Variants in RBFOX1 observed in about 807,000 individuals in gnomAD.
The protein encoded by RBFOX1 is RNA binding protein fox-1 homolog 1.
Under a neutral mutation model 57.7 loss-of-function variants are expected in RBFOX1, and 8 were observed. The ratio of observed to expected loss-of-function variants is 0.14; its 90% CI spans 0.08 to 0.25. The LOEUF is 0.25. Ranked by LOEUF, RBFOX1 falls within the 10% of genes least tolerant of loss-of-function variation. RBFOX1 has a pLI of 1.00. For missense variants in RBFOX1, 611 were observed against 548.5 expected, an observed-to-expected ratio of 1.11 and a Z score of -1.14; for synonymous variants, 326 against 222.4, an observed-to-expected ratio of 1.47 and a Z score of -4.15.
chr16:7,158,337 C>G (rs1286483626), intron 4 of RBFOX1, among the ~76,000 whole-genome samples: 1 of 152,088 alleles, frequency 6.6e-6, no homozygotes, highest in Admixed American at 6.6e-5. Flanking sequence ...CAAGAGTGAA[C>G]TCTGTCTCAA....
At chr16:5,551,804 CG>C (rs1197311784) in intron 2 of RBFOX1, among the ~76,000 whole-genome samples, 1 of 151,690 alleles carries the variant, frequency 6.6e-6, no homozygotes, top group Non-Finnish European at 1.5e-5. Context: ...CCCCACCCCC[CG>C]ACAGGTGCTG....
chr16:6,002,301 C>G (rs1035898949), intron 4 of RBFOX1, among the ~76,000 whole-genome samples: 2 of 152,174 alleles, frequency 1.3e-5, no homozygotes, highest in African/African-American at 2.4e-5. Flanking sequence ...ACGATTGTGT[C>G]TCTTTTGTCC....
intron 4 of RBFOX1, among the ~76,000 whole-genome samples, chr16:7,421,734 A>T (rs936855483): frequency 5.9e-5 from 9 of 152,250 alleles, no homozygotes; most frequent in East Asian, 1.9e-4. Flanking sequence ...ACTCCACATC[A>T]TTCCTTGTTT....
chr16:7,627,338 T>C (rs2060237473), intron 10 of RBFOX1, among the ~76,000 whole-genome samples: 1 of 152,076 alleles, frequency 6.6e-6, no homozygotes, highest in Non-Finnish European at 1.5e-5. Flanking sequence ...TCCAGGCCAA[T>C]AGGAAAGGAT....
At position 5,711,010 on chromosome 16, in the gene RBFOX1, G is replaced by C. The variant is rs1160451707; in HGVS notation, c.318+112049G>C. 2.0e-5 allele frequency among the ~76,000 whole-genome samples: 3 copies of C among 152,224 alleles called. No homozygotes were observed. In the East Asian group the frequency reaches 5.8e-4, roughly 29 times the overall value. The stretch of plus-strand genomic sequence containing the variant: ...GTTCTTGTGCCTGACCCTAGGGTAA[G>C]TGGGAAGCACAAGGAGACATGCCTC... On this transcript the variant is annotated intron_variant, in intron 3 of 19. Coordinates refer to the RBFOX1 transcript ENST00000641259.
At chr16:5,631,291 GCTTACGCCTGTAAT>G (rs2151304382) in intron 3 of RBFOX1, among the ~76,000 whole-genome samples, 1 of 152,294 alleles carries the variant, frequency 6.6e-6, no homozygotes, top group East Asian at 1.9e-4. Flanking sequence ...AGGCGTGGTG[GCTTACGCCTGTAAT>G]CCCAGCATTT....
chr16:5,995,945 C>A (rs576556212), intron 4 of RBFOX1, among the ~76,000 whole-genome samples: 1 of 152,106 alleles, frequency 6.6e-6, no homozygotes. Flanking sequence ...AAGATTGATT[C>A]GGTATGTGGT....
chr16:5,468,094 C>T (rs1055949030), intron 2 of RBFOX1, among the ~76,000 whole-genome samples: 1 of 152,108 alleles, frequency 6.6e-6, no homozygotes, highest in African/African-American at 2.4e-5. Flanking sequence ...TCCTCCCACC[C>T]CTCTTACTGT....
rs1459823529 is a variant in RBFOX1, at chr16:7,476,754, G to A, written c.28-41393G>A. 2.6e-5 allele frequency among the ~76,000 whole-genome samples: 4 copies of A among 152,110 alleles called. No homozygotes were observed. The East Asian group carries it at 7.7e-4, about 29-fold the overall frequency. ...CTGTATCCTTGCAAATCTGTACCAC[G>A]AGACAAGGGGATGTCAGTAGGATTT... On this transcript the variant is annotated intron_variant, in intron 4 of 15. Transcript: ENST00000550418.
chr16:7,483,137 G>C (rs566102785), intron 4 of RBFOX1, among the ~76,000 whole-genome samples: 6 of 152,138 alleles, frequency 3.9e-5, no homozygotes, highest in African/African-American at 1.4e-4. Flanking sequence ...GCTGTACCAA[G>C]GCTGTGCTGG....
intron 9 of RBFOX1, among the ~76,000 whole-genome samples, chr16:7,606,972 A>G (rs919996581): frequency 1.4e-4 from 21 of 152,306 alleles, no homozygotes; most frequent in Admixed American, 1.2e-3. Context: ...AAAAAATTAA[A>G]ATTATTATAG....
chr16:6,755,273 G>A (rs144762744), intron 3 of RBFOX1, among the ~76,000 whole-genome samples: 10,061 of 152,146 alleles, frequency 0.066, 571 homozygotes, highest in South Asian at 0.22. Context: ...CTGAGTAATC[G>A]CCACACCGAC....
intron 1 of RBFOX1, among the ~76,000 whole-genome samples, chr16:5,357,607 C>A (rs1252225620): frequency 6.6e-6 from 1 of 152,200 alleles, no homozygotes; most frequent in African/African-American, 2.4e-5. Context: ...TTATGTGATT[C>A]TAAACTTGTA....
At chr16:7,295,842 T>C (rs2095877746) in intron 4 of RBFOX1, among the ~76,000 whole-genome samples, 1 of 152,148 alleles carries the variant, frequency 6.6e-6, no homozygotes, top group African/African-American at 2.4e-5. Flanking sequence ...ATCCAACAAA[T>C]TCAATTCATT....
At chr16:6,700,658 CA>C (rs1291175552) in intron 3 of RBFOX1, among the ~76,000 whole-genome samples, 3 of 151,942 alleles carry the variant, frequency 2.0e-5, no homozygotes, top group African/African-American at 7.3e-5. Context: ...AACTTCATCT[CA>C]AAAAATAATA....
chr16:7,210,249 A>C (rs1052552580), intron 4 of RBFOX1, among the ~76,000 whole-genome samples: 1 of 152,328 alleles, frequency 6.6e-6, no homozygotes, highest in East Asian at 1.9e-4. Context: ...GGGAGTACTT[A>C]TAGGATTGCG....
intron 4 of RBFOX1, among the ~76,000 whole-genome samples, chr16:7,069,599 G>A (rs9941184): frequency 0.72 from 109,670 of 152,016 alleles, 40,177 homozygotes; most frequent in East Asian, 0.91. Context: ...TCACGGCCTG[G>A]GTAAGCAAGA....
At chr16:5,707,890 C>G (rs2051311746) in intron 3 of RBFOX1, among the ~76,000 whole-genome samples, 1 of 152,116 alleles carries the variant, frequency 6.6e-6, no homozygotes, top group African/African-American at 2.4e-5. Flanking sequence ...CAGTTTCCAG[C>G]TCTGTACTTA....
chr16:6,395,590 G>C (rs912251379), intron 2 of RBFOX1, among the ~76,000 whole-genome samples: 16 of 151,506 alleles, frequency 1.1e-4, no homozygotes, highest in African/African-American at 3.4e-4. Flanking sequence ...ATTATATACA[G>C]AGTTATTACC....
Sources: gnomAD v4.1 joint callset for allele counts (sites outside exome capture counted in the v4.1 genomes callset) on GRCh38, gnomAD v4.1.1 for gene constraint, MANE v1.5 for transcripts, NCBI Gene and HGNC (gene_info 2026-07-23, HGNC 2026-07-21) for gene names.